CRYBG2: variants seen among roughly 807,000 people sequenced by gnomAD.
CRYBG2 encodes beta/gamma crystallin domain-containing protein 2.
A neutral mutation model predicts 153.4 loss-of-function variants in CRYBG2; 106 were observed. The observed-to-expected ratio is 0.69, with a 90% confidence interval of 0.59 to 0.81. The LOEUF is 0.81. Among genes scored for constraint, CRYBG2 ranks in the 30% least tolerant of loss-of-function variants. CRYBG2 has a pLI of 0.00. For synonymous variants in CRYBG2, 851 were observed against 877.8 expected, an observed-to-expected ratio of 0.97 and a Z score of 0.54; for missense variants, 1,996 against 2,112.0, an observed-to-expected ratio of 0.95 and a Z score of 1.08.
At position 26,344,947 on chromosome 1, in the gene CRYBG2, C is replaced by A. The variant is rs2124016605; in HGVS notation, c.1711G>T (p.Ala571Ser). ...TQKEVVQGSGAPAALSTTPKE... is the reference protein window; with the variant it reads ...TQKEVVQGSGSPAALSTTPKE... The stretch of plus-strand genomic sequence containing the variant: ...GGGGTGGTGGACAAGGCAGCAGGAG[C>A]ACCAGACCCCTGCACCACCTCCTTC... Residue 571 changes from alanine (A) to serine (S), a missense_variant, in exon 2 of 20, where the codon GCT becomes TCT. Ala to Ser is a moderately conservative substitution (Grantham distance 99). Transcript: ENST00000308182. 2.0e-6 allele frequency: 3 copies of A among 1,538,098 alleles called. No individual in the cohort carries two copies. In the East Asian group the frequency reaches 7.3e-5, roughly 37 times the overall value.
rs2074153804 is a variant in CRYBG2, at chr1:26,343,151, G to A, written c.2970C>T (p.Phe990=). 2 of 1,550,656 alleles carry A rather than the reference G, an allele frequency of 1.3e-6. No individual in the cohort carries two copies. The highest frequency in any genetic ancestry group is 2.4e-5 in the East Asian group (1 of 40,926). Residue 990 remains phenylalanine, a synonymous_variant, in exon 4 of 20, where the codon TTC becomes TTT. Transcript: ENST00000308182. The surrounding 1 kb of genome is among the most constrained non-coding windows in gnomAD (Gnocchi z 4.1). Reference sequence around the variant, plus strand: ...TGCCTTGGCAGCCAGACTCTGAGAAGAAGATCACCTGAGAAGGCACAGAAG... The same window carrying A: ...TGCCTTGGCAGCCAGACTCTGAGAAAAAGATCACCTGAGAAGGCACAGAAG... The part of the protein sequence containing the change: ...KLNTRPGKVI[F]FSESGCQGSG...
At chr1:26,328,618 G>A in intron 16 of CRYBG2, 116 bp downstream of exon 16, 2 of 1,431,736 alleles carry the variant, frequency 1.4e-6, no homozygotes, top group South Asian at 2.7e-5. Flanking sequence ...CTGGCTTGGA[G>A]GGGAGTGGGG....
chr1:26,328,496 G>C, intron 16 of CRYBG2, 164 bp from the exon 17 acceptor site: 2 of 1,226,058 alleles, frequency 1.6e-6, no homozygotes, highest in Non-Finnish European at 2.2e-6. Flanking sequence ...AGGGAGGCTG[G>C]GAAGTAGATT....
intron 8 of CRYBG2, 141 bp downstream of exon 8, chr1:26,337,871 G>GC (rs1372374414): frequency 1.5e-6 from 2 of 1,295,276 alleles, no homozygotes; most frequent in African/African-American, 3.0e-5. Context: ...TTCCCAGTGA[G>GC]CCCATCAGGT....
chr1:26,351,187 GC>G (rs924475720), intron 1 of CRYBG2, among the ~76,000 whole-genome samples: 1 of 151,720 alleles, frequency 6.6e-6, no homozygotes, highest in Non-Finnish European at 1.5e-5. Flanking sequence ...TCTCACTGAG[GC>G]CCCAGCCCAC....
chr1:26,351,173 A>G lies in CRYBG2; in HGVS notation c.-56+2863T>C, dbSNP rs534649379. On this transcript the variant is annotated intron_variant, in intron 1 of 19. Coordinates refer to ENST00000308182, the MANE Select transcript of CRYBG2 (RefSeq NM_001039775.4). ...CCAGACACCAAAGGCTCTGGATTTTAGCCTCTCACTGAGGCCCCAGCCCAC... is the reference window on the plus strand; with the variant it reads ...CCAGACACCAAAGGCTCTGGATTTTGGCCTCTCACTGAGGCCCCAGCCCAC... Among the ~76,000 whole-genome samples the G allele has an allele frequency of 1.2e-4, 18 of 151,992 alleles. 1 individual carries two copies. Among genetic ancestry groups the G allele is most frequent in the Middle Eastern group, 6.8e-3 (2 of 292 alleles).
At chr1:26,330,291 G>C (rs1048183659) in intron 15 of CRYBG2, among the ~76,000 whole-genome samples, 1 of 151,956 alleles carries the variant, frequency 6.6e-6, no homozygotes, top group Non-Finnish European at 1.5e-5. Context: ...AGGGTAAATC[G>C]CTTGCTCAGG....
chr1:26,343,837 G>A lies in CRYBG2; in HGVS notation c.2821C>T (p.Leu941Phe), dbSNP rs1162306473. 9.5e-6 allele frequency: 14 copies of A among 1,469,964 alleles called. No individual in the cohort carries two copies. The highest frequency in any genetic ancestry group is 1.3e-5 in the Non-Finnish European group (14 of 1,108,036). The allele number at this position is 1,469,964 out of a possible 1,614,324, so 91.1% of individuals were successfully genotyped here. Residue 941 changes from leucine (L) to phenylalanine (F), a missense_variant, in exon 2 of 20, where the codon CTC becomes TTC. By Grantham distance (22) the Leu-to-Phe change is conservative (BLOSUM62 0). Coordinates refer to ENST00000308182, the MANE Select transcript of CRYBG2 (RefSeq NM_001039775.4). The surrounding 1 kb of genome is among the most constrained non-coding windows in gnomAD (Gnocchi z 4.1). ...GGCAACTGTCCTGGCACCTTCCTGA[G>A]CCCCGGTGCCCCATGGGGCAGCAGA... ...SALLPHGAPGLRKVPGQLPLL... is the reference protein window; with the variant it reads ...SALLPHGAPGFRKVPGQLPLL...
intron 1 of CRYBG2, among the ~76,000 whole-genome samples, chr1:26,347,641 C>T (rs1052674730): frequency 6.6e-6 from 1 of 151,958 alleles, no homozygotes; most frequent in Non-Finnish European, 1.5e-5. Context: ...AGGTGCCCTC[C>T]ACCACGCCCA....
chr1:26,345,883 C>T lies in CRYBG2; in HGVS notation c.775G>A (p.Gly259Ser), dbSNP rs1425973870. The T allele has an allele frequency of 1.9e-6, 3 of 1,597,476 alleles. No homozygotes were observed. The African/African-American group carries it at 4.0e-5, about 21-fold the overall frequency. Residue 259 changes from glycine (G) to serine (S), a missense_variant, in exon 2 of 20, where the codon GGC (glycine) becomes AGC (serine). Gly to Ser is a moderately conservative substitution (Grantham distance 56, BLOSUM62 0). Coordinates refer to ENST00000308182, the MANE Select transcript of CRYBG2 (RefSeq NM_001039775.4). ...PASHLPRPTA[G>S]GPRSTGLGST... ...CCCAGACCTGTGCTCCTTGGCCCGC[C>T]AGCCGTGGGCCTGGGCAGGTGACTG... is the stretch of plus-strand genomic sequence containing the variant.
chr1:26,331,445 A>C (rs1419092925), intron 15 of CRYBG2, 44 bp downstream of exon 15: 1 of 1,594,418 alleles, frequency 6.3e-7, no homozygotes, highest in Non-Finnish European at 8.6e-7. Flanking sequence ...CACAGCAGCA[A>C]CTTCTGCTTC....
intron 6 of CRYBG2, among the ~76,000 whole-genome samples, 155 bp downstream of exon 6, chr1:26,339,135 C>G (rs1178698267): frequency 6.6e-6 from 1 of 152,220 alleles, no homozygotes; most frequent in Non-Finnish European, 1.5e-5. Flanking sequence ...TCCCTCACCC[C>G]AAAACACTGA....
rs145354520 is a variant in CRYBG2, at chr1:26,328,248, G to T, written c.4539C>A (p.Ser1513Arg). Residue 1513 changes from serine (S) to arginine (R), a missense_variant, in exon 17 of 20, where the codon AGC becomes AGA. Transcript: ENST00000308182. Reference sequence around the variant, plus strand: ...AGAGGGAGCCCACCCTCTGGGTGCCGCTGTAGGTCAGCCAGTTGGTGATCT... The same window carrying T: ...AGAGGGAGCCCACCCTCTGGGTGCCTCTGTAGGTCAGCCAGTTGGTGATCT... ...SCEITNWLTY[S>R]GTQRVGSLYP... 6.4e-7 allele frequency: 1 copy of T among 1,564,668 alleles called. No individual in the cohort carries two copies. The highest frequency in any genetic ancestry group is 1.2e-5 in the South Asian group (1 of 85,096).
Position 26,346,627 on chromosome 1 carries a change from C to T in CRYBG2, c.31G>A (p.Ala11Thr). The T allele has an allele frequency of 6.4e-6, 10 of 1,560,608 alleles. No homozygotes were observed. Among genetic ancestry groups the T allele is most frequent in the Non-Finnish European group, 8.7e-6 (10 of 1,151,734 alleles). The change falls in exon 2 of 20, where the codon GCC (alanine) becomes ACC (threonine). Residue 11 changes from alanine to threonine, a missense_variant. Ala to Thr is a moderately conservative substitution (Grantham distance 58, BLOSUM62 0). Coordinates refer to ENST00000308182, the MANE Select transcript of CRYBG2 (RefSeq NM_001039775.4). This position sits in a 1 kb window ranked among gnomAD's most constrained non-coding sequence, Gnocchi z 4.9. ...GTGGCACTTACCACTCGGGCCTTGG[C>T]CCGGGCCATGGGCCCACCTGCCTCC... MEEAGGPMAR[A>T]KARVVSATLT...
chr1:26,334,505 C>G (rs542687216), intron 14 of CRYBG2, among the ~76,000 whole-genome samples: 2 of 152,036 alleles, frequency 1.3e-5, no homozygotes, highest in East Asian at 1.9e-4. Context: ...ATTAATGAAC[C>G]TAATTGTATA....
intron 5 of CRYBG2, among the ~76,000 whole-genome samples, chr1:26,341,347 A>G (rs1193207588): frequency 1.3e-5 from 2 of 151,970 alleles, no homozygotes; most frequent in Admixed American, 1.3e-4. Flanking sequence ...TCTCAAAAAA[A>G]AATAAAAAAA....
intron 14 of CRYBG2, among the ~76,000 whole-genome samples, chr1:26,332,187 G>A (rs1289470176): frequency 6.6e-6 from 1 of 151,428 alleles, no homozygotes; most frequent in Non-Finnish European, 1.5e-5. Context: ...GGCACCTGTA[G>A]TCCCAGCTAC....
At chr1:26,348,789 C>A (rs899897355) in intron 1 of CRYBG2, among the ~76,000 whole-genome samples, 1 of 151,718 alleles carries the variant, frequency 6.6e-6, no homozygotes, top group Non-Finnish European at 1.5e-5. Context: ...CTCCTGACCT[C>A]AAGTGATCCA....
In CRYBG2 at chr1:26,343,407, A is replaced by G; in HGVS notation, c.2914-114T>C. The G allele has an allele frequency of 7.9e-7, 1 of 1,267,342 alleles. No individual in the cohort carries two copies. Among genetic ancestry groups the G allele is most frequent in the Non-Finnish European group, 1.1e-6 (1 of 893,002 alleles). 78.5% of individuals were successfully genotyped at this position (1,267,342 alleles called of 1,614,324 possible). On this transcript the variant is annotated intron_variant, in intron 2 of 19. Transcript: ENST00000308182. This position sits in a 1 kb window ranked among gnomAD's most constrained non-coding sequence, Gnocchi z 4.1. ...TCCCTATTAACCTCCACCCGCAAGG[A>G]GCTGGCGCATAGAGGATGCTCACAC...
Sources: allele counts gnomAD v4.1 joint callset (sites outside exome capture counted in the v4.1 genomes callset), GRCh38; gene constraint gnomAD v4.1.1; non-coding constraint Gnocchi (gnomAD v3.1); transcripts MANE v1.5; gene names NCBI Gene and HGNC (gene_info 2026-07-23, HGNC 2026-07-21).